USH2A: variants seen among roughly 807,000 people sequenced by gnomAD.
USH2A encodes Usher syndrome 2A (autosomal recessive, mild).
USH2A carries 443 observed loss-of-function variants against 538.9 expected under a neutral mutation model. The observed-to-expected ratio is 0.82, with a 90% confidence interval of 0.76 to 0.89. USH2A has a LOEUF of 0.89. USH2A is among the 40% of genes least tolerant of loss of function. The pLI, the probability that USH2A is intolerant of heterozygous loss-of-function variation, is 0.00. For missense variants in USH2A, 6,633 were observed against 6,324.8 expected (o/e 1.05, Z -1.65); for synonymous variants, 2,413 against 2,273.5 (o/e 1.06, Z -1.75).
intron 38 of USH2A, among the ~76,000 whole-genome samples, chr1:215,929,407 A>G (rs1465064993): frequency 1.3e-5 from 2 of 152,052 alleles, no homozygotes; most frequent in Non-Finnish European, 2.9e-5. Context: ...TTCATCATCT[A>G]ATATGCATCA....
chr1:215,800,790 C>G (rs73090706), intron 49 of USH2A, among the ~76,000 whole-genome samples: 2,338 of 152,058 alleles, frequency 0.015, 53 homozygotes, highest in African/African-American at 0.053. Context: ...ATGAAATGAG[C>G]AAATTACTAG....
At chr1:216,032,908 A>C (rs1669160624) in intron 32 of USH2A, among the ~76,000 whole-genome samples, 1 of 152,158 alleles carries the variant, frequency 6.6e-6, no homozygotes, top group Non-Finnish European at 1.5e-5. Context: ...TGAGAGCCCA[A>C]ACTGCCCCAA....
chr1:216,300,284 G>A (rs2037188692), intron 9 of USH2A, among the ~76,000 whole-genome samples: 1 of 152,120 alleles, frequency 6.6e-6, no homozygotes, highest in African/African-American at 2.4e-5. Context: ...TCTATTTCAT[G>A]TTTTCCCAAT....
intron 9 of USH2A, among the ~76,000 whole-genome samples, chr1:216,321,269 C>T (rs1010540676): frequency 2.3e-4 from 35 of 152,094 alleles, no homozygotes; most frequent in African/African-American, 8.4e-4. Context: ...ATATTCCTAC[C>T]AACGAATGTT....
intron 61 of USH2A, among the ~76,000 whole-genome samples, chr1:215,685,696 T>A (rs1250085274): frequency 1.3e-5 from 2 of 151,506 alleles, no homozygotes; most frequent in African/African-American, 2.4e-5. Flanking sequence ...TATTATTATT[T>A]TTTTACCACG....
At chr1:216,102,501 A>AT (rs1316250949) in intron 21 of USH2A, among the ~76,000 whole-genome samples, 5 of 152,088 alleles carry the variant, frequency 3.3e-5, no homozygotes, top group African/African-American at 1.2e-4. Flanking sequence ...GACAGTATTT[A>AT]TTAAGTTATA....
intron 38 of USH2A, 126 bp from the exon 39 acceptor site, chr1:215,901,031 C>T: frequency 8.6e-7 from 1 of 1,160,114 alleles, no homozygotes; most frequent in Non-Finnish European, 1.3e-6. Context: ...AAACATGGTC[C>T]ATTTAATTTA....
chr1:216,383,992 C>T (rs534998516), intron 3 of USH2A, among the ~76,000 whole-genome samples: 13 of 151,608 alleles, frequency 8.6e-5, no homozygotes, highest in African/African-American at 3.1e-4. Context: ...TGGGGCACCA[C>T]ACCCAGCCTA....
intron 3 of USH2A, among the ~76,000 whole-genome samples, chr1:216,409,352 C>A (rs146672156): frequency 6.6e-6 from 1 of 151,976 alleles, no homozygotes; most frequent in African/African-American, 2.4e-5. Context: ...AAACAAACAA[C>A]GACATTCTTG....
At chr1:216,368,635 TATG>T (rs1383071499) in intron 3 of USH2A, among the ~76,000 whole-genome samples, 1 of 152,196 alleles carries the variant, frequency 6.6e-6, no homozygotes, top group African/African-American at 2.4e-5. Context: ...AGCTTGTATG[TATG>T]ATGACAACAA....
intron 32 of USH2A, among the ~76,000 whole-genome samples, chr1:216,018,721 C>T (rs1668775440): frequency 6.6e-6 from 1 of 152,052 alleles, no homozygotes; most frequent in Non-Finnish European, 1.5e-5. Flanking sequence ...GCTCTTTTCT[C>T]CATCTTCTAA....
At chr1:216,235,696 C>T (rs2035796797) in intron 13 of USH2A, among the ~76,000 whole-genome samples, 1 of 152,148 alleles carries the variant, frequency 6.6e-6, no homozygotes, top group Non-Finnish European at 1.5e-5. Flanking sequence ...CAATGTCTCT[C>T]CTGAGGACCA....
At chr1:215,792,395 T>C (rs1662006674) in intron 50 of USH2A, among the ~76,000 whole-genome samples, 1 of 152,212 alleles carries the variant, frequency 6.6e-6, no homozygotes, top group Non-Finnish European at 1.5e-5. Context: ...GGTAAACCAT[T>C]ACTTCTTTAA....
intron 16 of USH2A, chr1:216,204,151 C>CA (rs777123529): frequency 2.0e-5 from 3 of 152,750 alleles, no homozygotes; most frequent in South Asian, 2.1e-4. Context: ...GGAACAACAC[C>CA]AAAAAACAGT....
chr1:216,247,633 A>G (rs182576021), intron 12 of USH2A, among the ~76,000 whole-genome samples: 1 of 152,322 alleles, frequency 6.6e-6, no homozygotes, highest in African/African-American at 2.4e-5. Context: ...AAGATGTTTA[A>G]TAAAAGGTTA....
At chr1:216,110,564 C>A (rs534065011) in intron 21 of USH2A, among the ~76,000 whole-genome samples, 53 of 152,208 alleles carry the variant, frequency 3.5e-4, no homozygotes, top group African/African-American at 1.3e-3. Context: ...ACAAGAAAGG[C>A]ATAATACTTA....
chr1:215,979,732 G>C (rs1233936112), intron 35 of USH2A, among the ~76,000 whole-genome samples: 1 of 151,998 alleles, frequency 6.6e-6, no homozygotes, highest in Non-Finnish European at 1.5e-5. Flanking sequence ...GTGACACTTA[G>C]GGATGGAATG....
intron 21 of USH2A, among the ~76,000 whole-genome samples, chr1:216,120,914 A>G: frequency 6.6e-6 from 1 of 151,638 alleles, no homozygotes; most frequent in South Asian, 2.1e-4. Flanking sequence ...TGAGACAGCA[A>G]GAACAAGCAA....
intron 64 of USH2A, among the ~76,000 whole-genome samples, chr1:215,662,171 T>C (rs558346104): frequency 4.6e-4 from 70 of 152,338 alleles, no homozygotes; most frequent in African/African-American, 1.7e-3. Flanking sequence ...TAGATGTTTT[T>C]ACAGGACCTA....
Sources: allele counts gnomAD v4.1 joint callset (sites outside exome capture counted in the v4.1 genomes callset), GRCh38; gene constraint gnomAD v4.1.1; transcripts MANE v1.5; gene names NCBI Gene and HGNC (gene_info 2026-07-23, HGNC 2026-07-21).